The following PHF24 variants were observed in gnomAD, a reference collection of about 807,000 sequenced individuals.
The protein encoded by PHF24 is Galpha inhibitory interacting protein.
PHF24 carries 25 observed loss-of-function variants against 42.6 expected under a neutral mutation model. The ratio of observed to expected loss-of-function variants is 0.59; its 90% confidence interval spans 0.43 to 0.82. The LOEUF is 0.82. PHF24 is among the 40% of genes least tolerant of loss of function. The pLI is 0.00. For missense variants in PHF24, 470 were observed against 538.1 expected (o/e 0.87, Z 1.25); for synonymous variants, 185 against 204.8 (o/e 0.90, Z 0.83).
the PHF24 span, among the ~76,000 whole-genome samples, chr9:34,754,559 T>C: frequency 2.0e-5 from 3 of 152,034 alleles, no homozygotes; most frequent in Non-Finnish European, 4.4e-5. Flanking sequence ...GCAATAGAAA[T>C]AGCTGGCAAG....
At chr9:34,922,808 A>G in the PHF24 span, 4 of 1,592,680 alleles carry the variant, frequency 2.5e-6, no homozygotes, top group Non-Finnish European at 3.4e-6. Flanking sequence ...TCCTCTCCTC[A>G]TTGGATAATT....
chr9:34,935,730 G>C, the PHF24 span, among the ~76,000 whole-genome samples: 1 of 138,332 alleles, frequency 7.2e-6, no homozygotes, highest in Admixed American at 7.2e-5. Flanking sequence ...GAGTGTATTT[G>C]TGTGTGGGGG....
At chr9:34,751,474 T>C in the PHF24 span, among the ~76,000 whole-genome samples, 1 of 152,124 alleles carries the variant, frequency 6.6e-6, no homozygotes, top group East Asian at 1.9e-4. Context: ...TATATAATAA[T>C]GAAGGGGCCA....
At chr9:34,837,703 A>G in the PHF24 span, 1 of 1,499,988 alleles carries the variant, frequency 6.7e-7, no homozygotes, top group East Asian at 2.5e-5. Flanking sequence ...GGTGACGCTT[A>G]AAAGACAAAA....
chr9:34,726,432 G>T, the PHF24 span: 2 of 1,551,044 alleles, frequency 1.3e-6, no homozygotes, highest in East Asian at 2.4e-5. Flanking sequence ...GGATGCATCC[G>T]GTTCAGGGTT....
At chr9:34,747,990 C>G in the PHF24 span, among the ~76,000 whole-genome samples, 1 of 152,048 alleles carries the variant, frequency 6.6e-6, no homozygotes, top group East Asian at 1.9e-4. Context: ...ATGAATTACT[C>G]CTATACGTAA....
the PHF24 span, among the ~76,000 whole-genome samples, chr9:34,669,677 C>T: frequency 6.6e-6 from 1 of 151,984 alleles, no homozygotes. Context: ...TTTATGGCCC[C>T]CTAAAACTTT....
At chr9:34,817,161 G>A in the PHF24 span, among the ~76,000 whole-genome samples, 1 of 152,134 alleles carries the variant, frequency 6.6e-6, no homozygotes, top group Non-Finnish European at 1.5e-5. Context: ...TTTTAACTAA[G>A]TGATTTTAAT....
At chr9:34,746,146 A>G in the PHF24 span, among the ~76,000 whole-genome samples, 1 of 152,178 alleles carries the variant, frequency 6.6e-6, no homozygotes, top group Non-Finnish European at 1.5e-5. Flanking sequence ...GATAAGAAGG[A>G]GGGGTTCTGG....
chr9:34,767,244 A>G, the PHF24 span, among the ~76,000 whole-genome samples: 4 of 152,320 alleles, frequency 2.6e-5, no homozygotes, highest in South Asian at 6.2e-4. Flanking sequence ...CTGTCAGACA[A>G]GGACATTTAA....
At chr9:34,774,391 CA>C in the PHF24 span, among the ~76,000 whole-genome samples, 1 of 83,038 alleles carries the variant, frequency 1.2e-5, no homozygotes, top group Non-Finnish European at 2.9e-5. Context: ...ACTCCTACAA[CA>C]CACAACAAAA....
the PHF24 span, chr9:34,832,649 A>C: frequency 6.5e-7 from 1 of 1,540,930 alleles, no homozygotes; most frequent in Non-Finnish European, 8.8e-7. Flanking sequence ...TACACTCCAG[A>C]AAACATTTAA....
At chr9:34,951,100 G>A in the PHF24 span, among the ~76,000 whole-genome samples, 9 of 152,138 alleles carry the variant, frequency 5.9e-5, no homozygotes, top group Admixed American at 2.6e-4. Flanking sequence ...ACAAATTACC[G>A]CAAACATAGT....
the PHF24 span, among the ~76,000 whole-genome samples, chr9:34,788,911 T>C: frequency 6.6e-6 from 1 of 152,192 alleles, no homozygotes; most frequent in South Asian, 2.1e-4. Flanking sequence ...GCTAGCTACA[T>C]GCTGATAAGG....
the PHF24 span, among the ~76,000 whole-genome samples, chr9:34,840,095 G>A: frequency 6.6e-6 from 1 of 152,174 alleles, no homozygotes; most frequent in South Asian, 2.1e-4. Flanking sequence ...GGAAAGATTG[G>A]AGGAGCAGGG....
chr9:34,937,754 G>A, the PHF24 span, among the ~76,000 whole-genome samples: 1 of 152,294 alleles, frequency 6.6e-6, no homozygotes, highest in South Asian at 2.1e-4. Flanking sequence ...GGGCCAGGAA[G>A]GGAAGAACCT....
At chr9:34,739,975 C>T in the PHF24 span, among the ~76,000 whole-genome samples, 3 of 152,174 alleles carry the variant, frequency 2.0e-5, no homozygotes, top group Admixed American at 1.3e-4. Context: ...CAAAGGTTCT[C>T]CAAGTCCCCA....
At chr9:34,777,079 G>T in the PHF24 span, among the ~76,000 whole-genome samples, 1 of 152,214 alleles carries the variant, frequency 6.6e-6, no homozygotes, top group South Asian at 2.1e-4. Flanking sequence ...GCCAGGTAAG[G>T]CAGTCTTTGG....
At chr9:34,913,730 G>A in the PHF24 span, among the ~76,000 whole-genome samples, 1 of 152,136 alleles carries the variant, frequency 6.6e-6, no homozygotes, top group Admixed American at 6.5e-5. Flanking sequence ...TCTATAGATG[G>A]TATAGGTCTG....
Sources: allele counts gnomAD v4.1 joint callset (sites outside exome capture counted in the v4.1 genomes callset), GRCh38; gene constraint gnomAD v4.1.1; transcripts MANE v1.5; gene names NCBI Gene and HGNC (gene_info 2026-07-23, HGNC 2026-07-21).